Variants in LONP1 observed in about 807,000 individuals in gnomAD.
The protein encoded by LONP1 is lon peptidase 1, mitochondrial, also known as lon protease homolog, mitochondrial.
LONP1 carries 31 observed loss-of-function variants against 98.5 expected under a neutral mutation model. The observed-to-expected ratio is 0.31, with a 90% CI of 0.24 to 0.42. LONP1 has a LOEUF of 0.42. Ranked by LOEUF, LONP1 falls within the 20% of genes least tolerant of loss-of-function variation. LONP1 has a pLI of 1.00. For missense variants in LONP1, 1,336 were observed against 1,350.6 expected, an observed-to-expected ratio of 0.99 and a Z score of 0.17; for synonymous variants, 781 against 594.7, an observed-to-expected ratio of 1.31 and a Z score of -4.56.
chr19:5,717,876 G>A (rs564925100), intron 1 of LONP1, among the ~76,000 whole-genome samples: 3 of 150,460 alleles, frequency 2.0e-5, no homozygotes, highest in South Asian at 4.2e-4. Flanking sequence ...CACTGTGCCC[G>A]GCTTTTCTTT....
At chr19:5,693,530 T>C in intron 16 of LONP1, 22 bp downstream of exon 16, 2 of 1,613,362 alleles carry the variant, frequency 1.2e-6, no homozygotes, top group Non-Finnish European at 1.7e-6. Flanking sequence ...CGGGAGCAGG[T>C]GGGAGCGGAT....
rs368472114 is a variant in LONP1 at position 5,705,855 on chromosome 19, G to A, written c.1284C>T (p.Leu428=). The part of the protein sequence containing the change: ...EEKFRERLKE[L]VVPKHVMDVV... Reference sequence around the variant, plus strand: ...CATCCATGACGTGCTTGGGGACCACGAGCTCCTTCAGGCGCTCCCGGAACT... The same window carrying A: ...CATCCATGACGTGCTTGGGGACCACAAGCTCCTTCAGGCGCTCCCGGAACT... The change falls in exon 8 of 18, where the codon CTC becomes CTT. Residue 428 remains leucine (L), a synonymous_variant. Transcript: ENST00000360614. 1.9e-5 allele frequency: 31 copies of A among 1,614,050 alleles called. No individual in the cohort carries two copies. Among genetic ancestry groups the A allele is most frequent in the Middle Eastern group, 1.6e-4 (1 of 6,084 alleles).
chr19:5,698,983 C>T (rs2054993020), intron 10 of LONP1, 44 bp downstream of exon 10: 3 of 1,544,476 alleles, frequency 1.9e-6, no homozygotes, highest in East Asian at 2.4e-5. Flanking sequence ...CCCGGCAGCA[C>T]AGCTGAGGGG....
intron 4 of LONP1, among the ~76,000 whole-genome samples, chr19:5,711,259 G>A (rs924120442): frequency 6.6e-6 from 1 of 152,244 alleles, no homozygotes; most frequent in Admixed American, 6.5e-5. Flanking sequence ...CCTTTGGTTA[G>A]CTTCGCTGAC....
At chr19:5,693,110 A>G (rs887443297) in intron 17 of LONP1, among the ~76,000 whole-genome samples, 188 bp downstream of exon 17, 3 of 152,278 alleles carry the variant, frequency 2.0e-5, no homozygotes, top group Admixed American at 6.5e-5. Flanking sequence ...TGTTCTCCAC[A>G]AGACTTGCTG....
At chr19:5,710,655 G>C (rs868678985) in intron 4 of LONP1, among the ~76,000 whole-genome samples, 1 of 152,090 alleles carries the variant, frequency 6.6e-6, no homozygotes, top group Admixed American at 6.6e-5. Context: ...TGGGATGACA[G>C]GCATGAGACA....
chr19:5,702,644 T>C (rs1055120336), intron 8 of LONP1, among the ~76,000 whole-genome samples: 5 of 152,222 alleles, frequency 3.3e-5, no homozygotes, highest in African/African-American at 9.6e-5. Context: ...GAAGTAGACA[T>C]GAGAGACTTT....
chr19:5,707,577 G>A (rs1181624631), intron 6 of LONP1, 120 bp downstream of exon 6: 21 of 1,086,386 alleles, frequency 1.9e-5, no homozygotes, highest in Admixed American at 4.0e-5. Context: ...ACGGTGGAGG[G>A]ACAAGGGCAG....
chr19:5,700,410 G>A (rs895590087), intron 9 of LONP1, among the ~76,000 whole-genome samples: 45 of 152,262 alleles, frequency 3.0e-4, no homozygotes, highest in African/African-American at 1.1e-3. Flanking sequence ...ACAGCGCCCA[G>A]CCGCAATTTT....
intron 8 of LONP1, among the ~76,000 whole-genome samples, chr19:5,702,513 C>A (rs2055072115): frequency 6.6e-6 from 1 of 152,142 alleles, no homozygotes; most frequent in African/African-American, 2.4e-5. Context: ...GCCAGCCGCC[C>A]CATCTGGGAG....
intron 8 of LONP1, among the ~76,000 whole-genome samples, chr19:5,703,566 C>T (rs918975504): frequency 2.0e-4 from 30 of 151,804 alleles, no homozygotes; most frequent in Non-Finnish European, 3.5e-4. Flanking sequence ...GGACGGCTTC[C>T]GAGGAAGGGC....
At chr19:5,696,587 G>T in intron 11 of LONP1, 83 bp downstream of exon 11, 1 of 1,446,606 alleles carries the variant, frequency 6.9e-7, no homozygotes, top group East Asian at 2.3e-5. Flanking sequence ...GTTGGCTCGG[G>T]GATCCTAGGA....
In LONP1 at chr19:5,694,557, GC is replaced by G; in HGVS notation, c.2155-6del. ...GTAGGCCGATTTCCGTAACACCTGG[GC>G]GGTCAGGGCAACACAATGGGCACGG... On this transcript the variant is annotated splice_polypyrimidine_tract_variant and splice_region_variant and intron_variant, in intron 14 of 17. Coordinates refer to ENST00000360614, the MANE Select transcript of LONP1 (RefSeq NM_004793.4). The G allele has an allele frequency of 6.2e-7, 1 of 1,610,514 alleles. No homozygotes were observed. Among genetic ancestry groups the G allele is most frequent in the Non-Finnish European group, 8.5e-7 (1 of 1,178,446 alleles).
chr19:5,713,521 C>T (rs2055269584), intron 2 of LONP1, among the ~76,000 whole-genome samples: 1 of 152,176 alleles, frequency 6.6e-6, no homozygotes, highest in Non-Finnish European at 1.5e-5. Context: ...TTTGATGAGT[C>T]TCTTCTATGC....
chr19:5,701,027 T>C (rs1472788513), intron 8 of LONP1, 100 bp from the exon 9 acceptor site: 2 of 1,399,694 alleles, frequency 1.4e-6, no homozygotes, highest in African/African-American at 2.8e-5. Context: ...GAAACCCATG[T>C]GTGGGGCTGA....
At chr19:5,694,643 G>GCGGGGTGGTGGGGTGATGGGCA (rs2054892454) in intron 14 of LONP1, 91 bp from the exon 15 acceptor site, 2 of 1,565,508 alleles carry the variant, frequency 1.3e-6, no homozygotes, top group East Asian at 2.3e-5. Flanking sequence ...TGTGACGGGC[G>GCGGGGTGGTGGGGTGATGGGCA]CGGGGTGGTG....
intron 8 of LONP1, among the ~76,000 whole-genome samples, chr19:5,703,600 C>T (rs116994768): frequency 0.017 from 2,533 of 151,788 alleles, 45 homozygotes; most frequent in East Asian, 0.035. Context: ...GAGCAGACAC[C>T]GTCAGGGCGC....
intron 10 of LONP1, among the ~76,000 whole-genome samples, chr19:5,697,050 G>A (rs562635121): frequency 6.6e-6 from 1 of 152,326 alleles, no homozygotes; most frequent in African/African-American, 2.4e-5. Context: ...GCTGGCAGCA[G>A]AAGGCCCCCA....
intron 8 of LONP1, among the ~76,000 whole-genome samples, chr19:5,701,287 T>C (rs137855976): frequency 6.6e-6 from 1 of 152,004 alleles, no homozygotes; most frequent in Admixed American, 6.6e-5. Flanking sequence ...CTACTAAAAA[T>C]ACAAAAAATG....
Sources: allele counts gnomAD v4.1 joint callset (sites outside exome capture counted in the v4.1 genomes callset), GRCh38; gene constraint gnomAD v4.1.1; transcripts MANE v1.5; gene names NCBI Gene and HGNC (gene_info 2026-07-23, HGNC 2026-07-21).